The following SYT14 variants were observed in gnomAD, a reference collection of about 807,000 sequenced individuals.
SYT14 encodes synaptotagmin-14.
In SYT14, 32 loss-of-function variants were observed where a neutral mutation model predicts 74.2. The ratio of observed to expected loss-of-function variants is 0.43; its 90% confidence interval spans 0.33 to 0.58. The LOEUF (loss-of-function observed/expected upper bound fraction) is 0.58, where lower values mean the gene tolerates loss of function less well. SYT14 is among the 20% of genes least tolerant of loss of function. The pLI is 0.05. For synonymous variants in SYT14, 298 were observed against 337.7 expected (o/e 0.88, Z 1.29); for missense variants, 791 against 981.8 (o/e 0.81, Z 2.60).
intron 5 of SYT14, among the ~76,000 whole-genome samples, chr1:210,058,633 T>C (rs2081143967): frequency 6.6e-6 from 1 of 152,074 alleles, no homozygotes; most frequent in Admixed American, 6.6e-5. Flanking sequence ...CCCAAATGAA[T>C]TATCTGCGTA....
At chr1:210,165,303 A>G (rs2083444175) in exon 10 of SYT14, 3 of 152,268 alleles carry the variant, frequency 2.0e-5, no homozygotes, top group Middle Eastern at 3.4e-3. Flanking sequence ...ACTAAGGGGG[A>G]AAAAACAGCT....
chr1:210,100,967 G>A (rs1034309316), intron 7 of SYT14, among the ~76,000 whole-genome samples: 3 of 152,030 alleles, frequency 2.0e-5, no homozygotes, highest in Non-Finnish European at 4.4e-5. Flanking sequence ...AAATAAATCT[G>A]GCCTCATTAG....
intron 5 of SYT14, 102 bp downstream of exon 4, chr1:210,021,356 C>T: frequency 1.9e-6 from 2 of 1,044,278 alleles, no homozygotes; most frequent in Admixed American, 3.8e-5. Flanking sequence ...AACAAGAGAG[C>T]ACATACAGTA....
intron 5 of SYT14, among the ~76,000 whole-genome samples, chr1:210,029,345 T>C (rs533680209): frequency 3.7e-4 from 56 of 152,284 alleles, no homozygotes; most frequent in African/African-American, 1.3e-3. Context: ...ATCTGCCAAA[T>C]CCAATGTTGT....
chr1:210,027,332 T>C (rs1002151393), intron 5 of SYT14, among the ~76,000 whole-genome samples: 1 of 151,782 alleles, frequency 6.6e-6, no homozygotes, highest in Non-Finnish European at 1.5e-5. Context: ...GGAGGACCAC[T>C]TAAGCCCAGG....
At chr1:210,160,651 A>C in intron 9 of SYT14, 78 bp from the exon 9 acceptor site, 1 of 1,249,106 alleles carries the variant, frequency 8.0e-7, no homozygotes, top group Non-Finnish European at 1.1e-6. Flanking sequence ...ATAAATACTT[A>C]ATTTTCTTAG....
chr1:210,022,016 G>A (rs1180688298), intron 5 of SYT14, among the ~76,000 whole-genome samples: 1 of 151,982 alleles, frequency 6.6e-6, no homozygotes, highest in Non-Finnish European at 1.5e-5. Context: ...TTATTCACTT[G>A]CTTAATAGAA....
rs138406689 is a variant in SYT14 at position 210,147,257 on chromosome 1, A to G, written c.2035-8464A>G. Reference sequence around the variant, plus strand: ...TTCTAGAATGAAAAAGTCATTAAAAATACAGTCAATGAAAAATATGAAAAA... The same window carrying G: ...TTCTAGAATGAAAAAGTCATTAAAAGTACAGTCAATGAAAAATATGAAAAA... On this transcript the variant is annotated intron_variant, in intron 7 of 9. Coordinates refer to ENST00000637265, the Ensembl canonical transcript of SYT14. 4.9e-3 allele frequency among the ~76,000 whole-genome samples: 751 copies of G among 152,318 alleles called. 5 individuals carry two copies. Among genetic ancestry groups the G allele is most frequent in the South Asian group, 8.7e-3 (42 of 4,830 alleles).
intron 2 of SYT14, among the ~76,000 whole-genome samples, chr1:209,954,500 T>C (rs1425515583): frequency 6.6e-6 from 1 of 152,222 alleles, no homozygotes; most frequent in Non-Finnish European, 1.5e-5. Context: ...AATCTCTGTT[T>C]ATCCTCTCAG....
At chr1:210,126,859 C>T (rs978934382) in intron 7 of SYT14, among the ~76,000 whole-genome samples, 1 of 152,050 alleles carries the variant, frequency 6.6e-6, no homozygotes, top group Non-Finnish European at 1.5e-5. Context: ...GTTCTGTACC[C>T]TAGGATGTAT....
chr1:210,016,419 G>C, exon 4 of SYT14: 1 of 1,232,046 alleles, frequency 8.1e-7, no homozygotes, highest in Non-Finnish European at 1.0e-6. Context: ...GGTAATACTG[G>C]TGATTCTTCT....
At chr1:209,984,806 C>T (rs1030190363) in intron 2 of SYT14, among the ~76,000 whole-genome samples, 3 of 152,122 alleles carry the variant, frequency 2.0e-5, no homozygotes, top group Non-Finnish European at 1.5e-5. Flanking sequence ...AGCTTTTACT[C>T]ATGCTGGAAG....
intron 5 of SYT14, among the ~76,000 whole-genome samples, chr1:210,038,415 TG>T (rs1463896518): frequency 3.9e-5 from 6 of 152,264 alleles, no homozygotes; most frequent in Non-Finnish European, 8.8e-5. Context: ...AAGGCATTTA[TG>T]GTCAAGATTA....
At chr1:210,147,854 G>A (rs1396189706) in intron 7 of SYT14, among the ~76,000 whole-genome samples, 3 of 152,114 alleles carry the variant, frequency 2.0e-5, no homozygotes, top group Non-Finnish European at 4.4e-5. Flanking sequence ...GCAAAGACTT[G>A]AAAGAGGTGA....
Position 210,151,512 on chromosome 1 carries a change from C to G in SYT14, c.2035-4209C>G, listed in dbSNP as rs371601327. On this transcript the variant is annotated intron_variant, in intron 7 of 9. Coordinates refer to ENST00000637265, the Ensembl canonical transcript of SYT14. Reference sequence around the variant, plus strand: ...TGAAATTATAGGCGAATGCCCCCCCCCTTTTTTTTTTTTTTAACTACAGTG... The same window carrying G: ...TGAAATTATAGGCGAATGCCCCCCCGCTTTTTTTTTTTTTTAACTACAGTG... Among the ~76,000 whole-genome samples, 251 of 137,164 alleles carry G rather than the reference C, an allele frequency of 1.8e-3. 4 individuals carry two copies. The highest frequency in any genetic ancestry group is 7.1e-3 in the African/African-American group (235 of 32,978). 90.0% of individuals were successfully genotyped at this position (137,164 alleles called of 152,430 possible). A position where few individuals can be genotyped will look rare whatever the true frequency, so the allele number is the denominator to read the frequency against.
chr1:210,116,690 G>A (rs907289257), intron 7 of SYT14, among the ~76,000 whole-genome samples: 1 of 152,116 alleles, frequency 6.6e-6, no homozygotes, highest in African/African-American at 2.4e-5. Context: ...TAAACACTTG[G>A]AGAAGAGAGA....
intron 2 of SYT14, among the ~76,000 whole-genome samples, chr1:209,999,644 C>A (rs955788841): frequency 1.2e-4 from 19 of 152,020 alleles, no homozygotes; most frequent in African/African-American, 4.6e-4. Context: ...ATGAAATAAG[C>A]CAGACACACA....
At chr1:209,963,829 C>G (rs2079113142) in intron 2 of SYT14, among the ~76,000 whole-genome samples, 1 of 152,132 alleles carries the variant, frequency 6.6e-6, no homozygotes, top group Non-Finnish European at 1.5e-5. Context: ...AAAATATGGG[C>G]TTCTTTAAAC....
chr1:210,000,466 GCACACACACACACACACACA>G (rs375046637), intron 2 of SYT14, among the ~76,000 whole-genome samples: 3 of 143,102 alleles, frequency 2.1e-5, no homozygotes, highest in South Asian at 2.3e-4. Context: ...GTCCTCATAC[GCACACACACACACACACACA>G]CACACACACA....
Sources: allele counts gnomAD v4.1 joint callset (sites outside exome capture counted in the v4.1 genomes callset), GRCh38; gene constraint gnomAD v4.1.1; transcripts MANE v1.5; gene names NCBI Gene and HGNC (gene_info 2026-07-23, HGNC 2026-07-21).